Variants in PHACTR1 observed in about 807,000 individuals in gnomAD.
PHACTR1 encodes the protein phosphatase and actin regulator 1, also known as RPEL repeat containing 1.
PHACTR1 carries 16 observed loss-of-function variants against 69.2 expected under a neutral mutation model. The observed-to-expected ratio is 0.23, with a 90% CI of 0.16 to 0.35. The LOEUF is 0.35. Ranked by LOEUF, PHACTR1 falls within the 10% of genes least tolerant of loss-of-function variation. The probability of loss-of-function intolerance (pLI) is 1.00; values close to 1 mark genes in which losing one functional copy is unlikely to be tolerated. For missense variants in PHACTR1, 510 were observed against 734.7 expected (o/e 0.69, Z 3.54); for synonymous variants, 312 against 284.5 (o/e 1.10, Z -0.97).
chr6:13,254,285 T>G (rs1774886663), intron 10 of PHACTR1, among the ~76,000 whole-genome samples: 1 of 152,170 alleles, frequency 6.6e-6, no homozygotes, highest in Non-Finnish European at 1.5e-5. Flanking sequence ...TATCCCAGAA[T>G]TAATTGAGGT....
At chr6:12,899,848 C>T (rs1057451009) in intron 4 of PHACTR1, among the ~76,000 whole-genome samples, 9 of 152,174 alleles carry the variant, frequency 5.9e-5, no homozygotes, top group African/African-American at 1.9e-4. Flanking sequence ...ACTGCACGCC[C>T]GGGTCTGTGA....
chr6:13,194,624 A>G (rs1194812596), intron 7 of PHACTR1, among the ~76,000 whole-genome samples: 1 of 152,080 alleles, frequency 6.6e-6, no homozygotes, highest in Non-Finnish European at 1.5e-5. Flanking sequence ...TGGATTGTAT[A>G]TTTCAAAATT....
chr6:12,944,736 G>C (rs183740015), intron 4 of PHACTR1, among the ~76,000 whole-genome samples: 1 of 152,016 alleles, frequency 6.6e-6, no homozygotes, highest in Non-Finnish European at 1.5e-5. Context: ...GAGCGGTGAA[G>C]ACGTCGTCAC....
chr6:13,059,883 A>G (rs1229736062), intron 5 of PHACTR1, among the ~76,000 whole-genome samples: 1 of 152,114 alleles, frequency 6.6e-6, no homozygotes, highest in Non-Finnish European at 1.5e-5. Context: ...TGTAAATTTC[A>G]GGTCGTTTGC....
At chr6:13,281,141 C>T (rs532975269) in intron 12 of PHACTR1, 273 of 1,286,344 alleles carry the variant, frequency 2.1e-4, no homozygotes, top group Non-Finnish European at 2.5e-4. Flanking sequence ...GCTTAGTCTT[C>T]GGTTCACTCC....
At chr6:12,828,207 C>G (rs920733498) in intron 4 of PHACTR1, among the ~76,000 whole-genome samples, 2 of 152,148 alleles carry the variant, frequency 1.3e-5, no homozygotes, top group Non-Finnish European at 2.9e-5. Flanking sequence ...ATAAAATTCT[C>G]GGCTTAAAGT....
chr6:13,173,986 C>G (rs1225337339), intron 6 of PHACTR1, among the ~76,000 whole-genome samples: 1 of 152,156 alleles, frequency 6.6e-6, no homozygotes, highest in African/African-American at 2.4e-5. Flanking sequence ...GGATAACAAG[C>G]GTTTTCCATT....
At chr6:13,197,827 C>A (rs908383360) in intron 7 of PHACTR1, among the ~76,000 whole-genome samples, 8 of 152,200 alleles carry the variant, frequency 5.3e-5, no homozygotes, top group Admixed American at 4.6e-4. Context: ...TCTCCTCCTC[C>A]ACAAGGCTCT....
intron 3 of PHACTR1, among the ~76,000 whole-genome samples, chr6:12,724,172 C>T (rs915313875): frequency 1.4e-4 from 21 of 151,858 alleles, no homozygotes; most frequent in African/African-American, 4.4e-4. Flanking sequence ...ACTAAAAATA[C>T]GAAAGTTAGC....
At chr6:12,900,136 A>G (rs1158954772) in intron 4 of PHACTR1, among the ~76,000 whole-genome samples, 1 of 152,176 alleles carries the variant, frequency 6.6e-6, no homozygotes, top group African/African-American at 2.4e-5. Context: ...TCCTTGCTTC[A>G]CTTCTTCAAA....
chr6:13,029,939 C>T (rs1802221570), intron 4 of PHACTR1, among the ~76,000 whole-genome samples: 1 of 152,204 alleles, frequency 6.6e-6, no homozygotes, highest in Non-Finnish European at 1.5e-5. Context: ...CCAGATGTGC[C>T]ACTTGCTAGT....
At chr6:12,765,135 G>A (rs1768454111) in intron 4 of PHACTR1, among the ~76,000 whole-genome samples, 1 of 151,598 alleles carries the variant, frequency 6.6e-6, no homozygotes, top group Non-Finnish European at 1.5e-5. Context: ...ACTCAGGCAA[G>A]AAGAAGGCTC....
chr6:12,837,593 G>A (rs777620181), intron 4 of PHACTR1, among the ~76,000 whole-genome samples: 3 of 151,470 alleles, frequency 2.0e-5, no homozygotes, highest in Non-Finnish European at 3.0e-5. Context: ...ACTTAACACA[G>A]TTTACCTAAA....
At chr6:12,831,971 C>T (rs957342085) in intron 4 of PHACTR1, among the ~76,000 whole-genome samples, 2 of 152,010 alleles carry the variant, frequency 1.3e-5, no homozygotes, top group African/African-American at 2.4e-5. Flanking sequence ...CCAGGCTTGA[C>T]GGTACATCCA....
At chr6:13,125,899 C>T (rs1428653284) in intron 5 of PHACTR1, among the ~76,000 whole-genome samples, 1 of 151,832 alleles carries the variant, frequency 6.6e-6, no homozygotes, top group Non-Finnish European at 1.5e-5. Context: ...CACTACGCTC[C>T]ATCCTGGGCA....
intron 4 of PHACTR1, among the ~76,000 whole-genome samples, chr6:12,879,908 A>G (rs1238995587): frequency 6.6e-6 from 1 of 152,166 alleles, no homozygotes; most frequent in East Asian, 1.9e-4. Flanking sequence ...CTATCCTTGT[A>G]GTAGCTAGGA....
chr6:13,081,872 G>T (rs778624812), intron 5 of PHACTR1, among the ~76,000 whole-genome samples: 2 of 152,142 alleles, frequency 1.3e-5, no homozygotes, highest in African/African-American at 4.8e-5. Context: ...GGTTTGTCCT[G>T]TTTAAATGCT....
At chr6:13,002,974 T>C (rs1055742899) in intron 4 of PHACTR1, among the ~76,000 whole-genome samples, 3 of 152,166 alleles carry the variant, frequency 2.0e-5, no homozygotes, top group Non-Finnish European at 4.4e-5. Flanking sequence ...TAAGGTAAAT[T>C]TGAGATTAGG....
At chr6:12,956,458 A>T (rs1791910190) in intron 4 of PHACTR1, among the ~76,000 whole-genome samples, 1 of 152,192 alleles carries the variant, frequency 6.6e-6, no homozygotes, top group Non-Finnish European at 1.5e-5. Context: ...GGCATTGAGG[A>T]ATTATTACTA....
Sources: allele counts gnomAD v4.1 joint callset (sites outside exome capture counted in the v4.1 genomes callset), GRCh38; gene constraint gnomAD v4.1.1; transcripts MANE v1.5; gene names NCBI Gene and HGNC (gene_info 2026-07-23, HGNC 2026-07-21).